Variants in NFIX observed in about 807,000 individuals in gnomAD.
NFIX encodes the protein nuclear factor I X, also known as nuclear factor 1 X-type.
NFIX carries 2 observed loss-of-function variants against 53.3 expected under a neutral mutation model. The ratio of observed to expected loss-of-function variants is 0.04; its 90% CI spans 0.02 to 0.12. The LOEUF (loss-of-function observed/expected upper bound fraction) is 0.12, where lower values mean the gene tolerates loss of function less well. Among genes scored for constraint, NFIX ranks in the 10% least tolerant of loss-of-function variants. The probability of loss-of-function intolerance (pLI) is 1.00; values close to 1 mark genes in which losing one functional copy is unlikely to be tolerated. For missense variants in NFIX, 310 were observed against 674.5 expected (o/e 0.46, Z 5.99); for synonymous variants, 244 against 289.0 (o/e 0.84, Z 1.58).
Position 13,037,850 on chromosome 19 carries a change from C to T in NFIX, c.559+12298C>T, listed in dbSNP as rs572571752. ...ATTGGAATCTAGTGGGAAGAGTCTACTGCATATGACAGTCCCCCAGGAACA... is the reference window on the plus strand; with the variant it reads ...ATTGGAATCTAGTGGGAAGAGTCTATTGCATATGACAGTCCCCCAGGAACA... On this transcript the variant is annotated intron_variant, in intron 2 of 10. Coordinates refer to ENST00000592199, the MANE Select transcript of NFIX (RefSeq NM_001365902.3). This position sits in a 1 kb window ranked among gnomAD's most constrained non-coding sequence, Gnocchi z 4.2. 2.3e-4 allele frequency among the ~76,000 whole-genome samples: 35 copies of T among 152,242 alleles called. No individual in the cohort carries two copies. Among genetic ancestry groups the T allele is most frequent in the African/African-American group, 7.5e-4 (31 of 41,536 alleles).
At chr19:13,015,602 C>A (rs1467566787) in intron 1 of NFIX, among the ~76,000 whole-genome samples, 1 of 152,230 alleles carries the variant, frequency 6.6e-6, no homozygotes, top group Non-Finnish European at 1.5e-5. Flanking sequence ...ACTGAGGCCC[C>A]CCATTCCCTG....
In NFIX at chr19:13,090,441, G is replaced by T; in HGVS notation, c.1494+51G>T. ...ATGCAGGGACCAGGGGAGTAGTCAG[G>T]GTTGGGGGGCATCTTGGTGTTAGGG... is the stretch of plus-strand genomic sequence containing the variant. On this transcript the variant is annotated intron_variant, in intron 10 of 10. Coordinates refer to ENST00000592199, the MANE Select transcript of NFIX (RefSeq NM_001365902.3). This position sits in a 1 kb window ranked among gnomAD's most constrained non-coding sequence, Gnocchi z 6.6. 2.0e-6 allele frequency: 3 copies of T among 1,533,366 alleles called. No homozygotes were observed. Among genetic ancestry groups the T allele is most frequent in the Non-Finnish European group, 2.7e-6 (3 of 1,107,144 alleles). The allele number at this position is 1,533,366 out of a possible 1,614,324, so 95.0% of individuals were successfully genotyped here.
At chr19:13,023,284 G>A (rs994943920) in intron 1 of NFIX, among the ~76,000 whole-genome samples, 7 of 149,510 alleles carry the variant, frequency 4.7e-5, no homozygotes, top group African/African-American at 1.5e-4. Flanking sequence ...TCCCATCCAC[G>A]TCCTCCCTCG....
chr19:13,079,400 C>T (rs892468800), intron 7 of NFIX, among the ~76,000 whole-genome samples: 4 of 152,208 alleles, frequency 2.6e-5, no homozygotes, highest in Admixed American at 6.5e-5. Context: ...ACCTAGATCG[C>T]CCTGAGGAGA....
Position 13,024,383 on chromosome 19 carries a change from T to C in NFIX, c.28-638T>C, listed in dbSNP as rs73507341. 0.07 allele frequency: 47,669 copies of C among 680,594 alleles called. 3,270 individuals are homozygous for C. Among genetic ancestry groups the C allele is most frequent in the African/African-American group, 0.3 (15,450 of 51,298 alleles). The allele number at this position is 680,594 out of a possible 1,614,324, so 42.2% of individuals were successfully genotyped here. On this transcript the variant is annotated intron_variant, in intron 1 of 10. Coordinates refer to ENST00000592199, the MANE Select transcript of NFIX (RefSeq NM_001365902.3). The stretch of plus-strand genomic sequence containing the variant: ...AGGATTTAGGTCTGATTAAAAAATG[T>C]TGGGGTGGATGTTCCAACTGGATCA...
chr19:12,998,090 C>G lies in NFIX; in HGVS notation c.27+2226C>G, dbSNP rs1304166236. Among the ~76,000 whole-genome samples, 2 of 152,172 alleles carry G rather than the reference C, an allele frequency of 1.3e-5. No individual in the cohort carries two copies. Among genetic ancestry groups the G allele is most frequent in the Non-Finnish European group, 2.9e-5 (2 of 68,040 alleles). Reference sequence around the variant, plus strand: ...CTTTCTGCTTCCATGGTTTGCCCCGCTGGTCTCTGTTTTTATGACAACCTC... The same window carrying G: ...CTTTCTGCTTCCATGGTTTGCCCCGGTGGTCTCTGTTTTTATGACAACCTC... On this transcript the variant is annotated intron_variant, in intron 1 of 10. Coordinates refer to ENST00000592199, the MANE Select transcript of NFIX (RefSeq NM_001365902.3). This position sits in a 1 kb window ranked among gnomAD's most constrained non-coding sequence, Gnocchi z 4.4.
In NFIX at chr19:13,040,389, A is replaced by G. The variant is rs2014533786; in HGVS notation, c.559+14837A>G. ...CCAGACTTGGTCTGCGGAGCAGCCAAACTCACTCGTGACAGGGTCTCTTCC... is the reference window on the plus strand; with the variant it reads ...CCAGACTTGGTCTGCGGAGCAGCCAGACTCACTCGTGACAGGGTCTCTTCC... On this transcript the variant is annotated intron_variant, in intron 2 of 10. Transcript: ENST00000592199. This position sits in a 1 kb window ranked among gnomAD's most constrained non-coding sequence, Gnocchi z 4.2. Among the ~76,000 whole-genome samples, 1 of 152,168 alleles carries G rather than the reference A, an allele frequency of 6.6e-6. No homozygotes were observed. Among genetic ancestry groups the G allele is most frequent in the Non-Finnish European group, 1.5e-5 (1 of 68,008 alleles).
chr19:13,069,191 C>T (rs1330146353), intron 2 of NFIX, among the ~76,000 whole-genome samples: 1 of 152,182 alleles, frequency 6.6e-6, no homozygotes, highest in East Asian at 1.9e-4. Context: ...GCGCTGGGAG[C>T]CACAGTCCCT....
Position 12,998,575 on chromosome 19 carries a change from A to G in NFIX, c.27+2711A>G, listed in dbSNP as rs1284201045. On this transcript the variant is annotated intron_variant, in intron 1 of 10. Transcript: ENST00000592199. This position sits in a 1 kb window ranked among gnomAD's most constrained non-coding sequence, Gnocchi z 4.4. ...ACAGTCCTGAGTCTCAGGCGGAGAG[A>G]GGGGTGGGGGGTGGATGGATGGACC... 2.0e-5 allele frequency among the ~76,000 whole-genome samples: 3 copies of G among 151,306 alleles called. No individual in the cohort carries two copies. The highest frequency in any genetic ancestry group is 4.4e-5 in the Non-Finnish European group (3 of 67,852).
chr19:13,083,902 C>T (rs1308675824), intron 8 of NFIX, among the ~76,000 whole-genome samples: 1 of 152,228 alleles, frequency 6.6e-6, no homozygotes. Flanking sequence ...TGGCAGCGCC[C>T]AGCTGTGCTT....
chr19:13,025,009 T>C lies in NFIX; in HGVS notation c.28-12T>C. On this transcript the variant is annotated splice_polypyrimidine_tract_variant and intron_variant, in intron 1 of 10. Coordinates refer to ENST00000592199, the MANE Select transcript of NFIX (RefSeq NM_001365902.3). The surrounding 1 kb of genome is among the most constrained non-coding windows in gnomAD (Gnocchi z 7.5). ...TCCCTCGCCCCGCATGCTCCCGGCT[T>C]GCCGCCTGCAGGATGAGTTCCACCC... The C allele has an allele frequency of 6.3e-7, 1 of 1,581,904 alleles. No individual in the cohort carries two copies. Among genetic ancestry groups the C allele is most frequent in the Non-Finnish European group, 8.6e-7 (1 of 1,164,872 alleles).
rs2012015595 is a variant in NFIX at position 13,006,382 on chromosome 19, T to C, written c.27+10518T>C. On this transcript the variant is annotated intron_variant, in intron 1 of 10. Transcript: ENST00000592199. This position sits in a 1 kb window ranked among gnomAD's most constrained non-coding sequence, Gnocchi z 5.6. ...TGCCCAGACCATGTTGCCTGTCATT[T>C]CTTCAATCTGAGCTCATCTATTATC... Among the ~76,000 whole-genome samples the C allele has an allele frequency of 6.6e-6, 1 of 152,228 alleles. No individual in the cohort carries two copies. The highest frequency in any genetic ancestry group is 1.5e-5 in the Non-Finnish European group (1 of 68,044).
rs1318316294 is a variant in NFIX at position 13,090,576 on chromosome 19, G to C, written c.1494+186G>C. 1.3e-5 allele frequency among the ~76,000 whole-genome samples: 2 copies of C among 152,190 alleles called. No homozygotes were observed. The highest frequency in any genetic ancestry group is 6.5e-5 in the Admixed American group (1 of 15,278). On this transcript the variant is annotated intron_variant, in intron 10 of 10. Coordinates refer to ENST00000592199, the MANE Select transcript of NFIX (RefSeq NM_001365902.3). This position sits in a 1 kb window ranked among gnomAD's most constrained non-coding sequence, Gnocchi z 6.6. ...GCCTGTCTCCCCAGGCAGCCCCCAG[G>C]CTCCCTGGCTAATCAGCTAATTGGA...
intron 1 of NFIX, 143 bp from the exon 2 acceptor site, chr19:13,024,875 TGGG>T: frequency 7.6e-7 from 1 of 1,323,618 alleles, no homozygotes; most frequent in Non-Finnish European, 1.0e-6. Context: ...AGAAAATTGT[TGGG>T]GGGAGGGAGG....
rs550618691 is a variant in NFIX at position 13,093,893 on chromosome 19, G to A, written c.1495-742G>A. Among the ~76,000 whole-genome samples the A allele has an allele frequency of 3.3e-5, 5 of 152,280 alleles. No homozygotes were observed. The South Asian group carries it at 1.0e-3, about 32-fold the overall frequency. ...CCCAGACCCTTGGGGTCTGCCCTGGGTGTGCTCTGAGCTGAGCCACCAGAC... is the reference window on the plus strand; with the variant it reads ...CCCAGACCCTTGGGGTCTGCCCTGGATGTGCTCTGAGCTGAGCCACCAGAC... On this transcript the variant is annotated intron_variant, in intron 10 of 10. Coordinates refer to ENST00000592199, the MANE Select transcript of NFIX (RefSeq NM_001365902.3). The surrounding 1 kb of genome is among the most constrained non-coding windows in gnomAD (Gnocchi z 4.7).
chr19:13,041,284 A>G (rs1338212004), intron 2 of NFIX, among the ~76,000 whole-genome samples: 15 of 152,140 alleles, frequency 9.9e-5, no homozygotes, highest in Admixed American at 9.8e-4. Context: ...TCATCTGTCC[A>G]CTGTTTTAAA....
In NFIX at chr19:13,072,802, G is replaced by C. The variant is rs1027224730; in HGVS notation, c.560-245G>C. On this transcript the variant is annotated intron_variant, in intron 2 of 10. Transcript: ENST00000592199. The surrounding 1 kb of genome is among the most constrained non-coding windows in gnomAD (Gnocchi z 4.0). ...TGCACAGGATGGTCCCCACCAGAGA[G>C]AGCAATCCAGGCCAAATGTCAGCAG... Among the ~76,000 whole-genome samples, 2 of 152,226 alleles carry C rather than the reference G, an allele frequency of 1.3e-5. No homozygotes were observed. Among genetic ancestry groups the C allele is most frequent in the African/African-American group, 4.8e-5 (2 of 41,452 alleles).
chr19:13,032,126 TGGAGGG>T (rs2145222418), intron 2 of NFIX, among the ~76,000 whole-genome samples: 1 of 152,210 alleles, frequency 6.6e-6, no homozygotes, highest in South Asian at 2.1e-4. Flanking sequence ...CATTTGCCAG[TGGAGGG>T]GGAGGGGGGC....
intron 1 of NFIX, among the ~76,000 whole-genome samples, chr19:12,997,147 C>T (rs2011498960): frequency 6.6e-6 from 1 of 152,258 alleles, no homozygotes; most frequent in African/African-American, 2.4e-5. Context: ...AGTGGCAGTC[C>T]ACATGGGTAT....
Sources: gnomAD v4.1 joint callset for allele counts (sites outside exome capture counted in the v4.1 genomes callset) on GRCh38, gnomAD v4.1.1 for gene constraint, Gnocchi (gnomAD v3.1) non-coding constraint, MANE v1.5 for transcripts, NCBI Gene and HGNC (gene_info 2026-07-23, HGNC 2026-07-21) for gene names.